Variants in TMEM150C observed in about 807,000 individuals in gnomAD.
TMEM150C encodes the protein transmembrane protein 150C, also known as tentonin 3.
Under a neutral mutation model 29.9 loss-of-function variants are expected in TMEM150C, and 10 were observed. The ratio of observed to expected loss-of-function variants is 0.33; its 90% confidence interval spans 0.21 to 0.57. The LOEUF is 0.57. Among genes scored for constraint, TMEM150C ranks in the 20% least tolerant of loss-of-function variants. The pLI, the probability that TMEM150C is intolerant of heterozygous loss-of-function variation, is 0.88. For synonymous variants in TMEM150C, 101 were observed against 112.5 expected (o/e 0.90, Z 0.64); for missense variants, 251 against 303.6 (o/e 0.83, Z 1.29).
rs935935826 is a variant in TMEM150C at position 82,542,999 on chromosome 4, T to C, written c.-11+18907A>G. ...ATGCACTGTATTAATGACTGTTATG[T>C]ATATAGCACTTACTATGTGCCTGGC... On this transcript the variant is annotated intron_variant, in intron 1 of 7. Transcript: ENST00000449862. Among the ~76,000 whole-genome samples the C allele has an allele frequency of 3.3e-5, 5 of 152,222 alleles. No homozygotes were observed. In the South Asian group the frequency reaches 1.0e-3, roughly 32 times the overall value.
At chr4:82,501,710 CTGTCTCCCTTGA>C (rs1723742738) in intron 5 of TMEM150C, among the ~76,000 whole-genome samples, 1 of 152,188 alleles carries the variant, frequency 6.6e-6, no homozygotes, top group Non-Finnish European at 1.5e-5. Context: ...GTTGGACCAC[CTGTCTCCCTTGA>C]TTTTCCACTG....
At chr4:82,491,418 C>T (rs1048264686) in intron 6 of TMEM150C, 19 of 663,818 alleles carry the variant, frequency 2.9e-5, no homozygotes, top group African/African-American at 1.1e-4. Context: ...TAATTGCAGC[C>T]GCTTATAGAG....
In TMEM150C at chr4:82,504,106, T is replaced by C. The variant is rs77887797; in HGVS notation, c.80+472A>G. On this transcript the variant is annotated intron_variant, in intron 2 of 7. Coordinates refer to ENST00000449862, the MANE Select transcript of TMEM150C (RefSeq NM_001080506.3). ...CACTCTTGTTACTTACTTTGGTTAA[T>C]AGAAAATGGGAAAAGAAATGAGGAC... Among the ~76,000 whole-genome samples the C allele has an allele frequency of 2.2e-4, 33 of 152,284 alleles. No individual in the cohort carries two copies. The East Asian group carries it at 5.8e-3, about 27-fold the overall frequency.
chr4:82,504,508 ACTATT>A (rs1199542367), intron 2 of TMEM150C, 65 bp downstream of exon 2: 1 of 1,353,290 alleles, frequency 7.4e-7, no homozygotes, highest in Non-Finnish European at 1.0e-6. Flanking sequence ...GCTGCCATAT[ACTATT>A]AAGGTTTACA....
At chr4:82,495,549 C>A in intron 6 of TMEM150C, 1 of 352,500 alleles carries the variant, frequency 2.8e-6, no homozygotes, top group Admixed American at 3.4e-5. Flanking sequence ...TTCACAATAA[C>A]AAAGTTGAGA....
chr4:82,550,327 G>C (rs1195181037), intron 1 of TMEM150C, among the ~76,000 whole-genome samples: 1 of 152,090 alleles, frequency 6.6e-6, no homozygotes, highest in East Asian at 1.9e-4. Flanking sequence ...TTTTAAGTTT[G>C]CTGAGGCCTC....
At chr4:82,495,106 G>A (rs146911106) in intron 6 of TMEM150C, 2 of 787,698 alleles carry the variant, frequency 2.5e-6, no homozygotes, top group East Asian at 3.2e-5. Flanking sequence ...TTGTTTAAGG[G>A]CTTTCTTACA....
chr4:82,501,018 G>A (rs769981911), intron 5 of TMEM150C, among the ~76,000 whole-genome samples: 1 of 152,222 alleles, frequency 6.6e-6, no homozygotes, highest in African/African-American at 2.4e-5. Flanking sequence ...GCAGGCCTAC[G>A]TGCTATAATG....
At chr4:82,521,395 G>A (rs898365780) in intron 1 of TMEM150C, among the ~76,000 whole-genome samples, 4 of 152,100 alleles carry the variant, frequency 2.6e-5, no homozygotes, top group African/African-American at 9.7e-5. Context: ...CTACCAAATG[G>A]GAAATATAAG....
chr4:82,501,194 G>A (rs1242639374), intron 5 of TMEM150C, among the ~76,000 whole-genome samples: 1 of 152,196 alleles, frequency 6.6e-6, no homozygotes, highest in African/African-American at 2.4e-5. Flanking sequence ...ATGGTGTCAA[G>A]AGTAGAAAAA....
chr4:82,492,634 T>C (rs1723394518), intron 6 of TMEM150C, among the ~76,000 whole-genome samples: 1 of 151,804 alleles, frequency 6.6e-6, no homozygotes, highest in Non-Finnish European at 1.5e-5. Context: ...CATTACCAAC[T>C]GATGTTTAAA....
chr4:82,494,986 T>G, intron 6 of TMEM150C: 1 of 742,526 alleles, frequency 1.3e-6, no homozygotes, highest in African/African-American at 1.8e-5. Flanking sequence ...TCCCTGTTTT[T>G]CTTAGTACAC....
At chr4:82,504,342 T>G (rs1184201323) in intron 2 of TMEM150C, among the ~76,000 whole-genome samples, 2 of 152,118 alleles carry the variant, frequency 1.3e-5, no homozygotes, top group Non-Finnish European at 2.9e-5. Context: ...TAGCTGGGAT[T>G]ACAGGCGTGT....
intron 1 of TMEM150C, among the ~76,000 whole-genome samples, chr4:82,506,441 T>C (rs1261393962): frequency 6.6e-6 from 1 of 151,416 alleles, no homozygotes; most frequent in African/African-American, 2.5e-5. Flanking sequence ...AGTTTACAGA[T>C]CTAAATTACA....
In TMEM150C at chr4:82,490,073, A is replaced by G; in HGVS notation, c.529T>C (p.Cys177Arg). The G allele has an allele frequency of 1.2e-6, 2 of 1,613,998 alleles. No homozygotes were observed. Among genetic ancestry groups the G allele is most frequent in the Non-Finnish European group, 1.7e-6 (2 of 1,179,856 alleles). The change falls in exon 7 of 8, where the codon TGT becomes CGT. Residue 177 changes from cysteine to arginine, a missense_variant. Cys to Arg is a radical substitution (Grantham distance 180). Coordinates refer to ENST00000449862, the MANE Select transcript of TMEM150C (RefSeq NM_001080506.3). ...RVILSASITL[C>R]VVLYFILMAQ... is the part of the protein sequence containing the mutation. ...GTTCAAAGGATACAGAGGACCACAC[A>G]GAGAGTGATAGATGCCGACAGAATA... is the stretch of plus-strand genomic sequence containing the variant.
chr4:82,544,785 C>A lies in TMEM150C; in HGVS notation c.-11+17121G>T, dbSNP rs373505139. On this transcript the variant is annotated intron_variant, in intron 1 of 7. Coordinates refer to ENST00000449862, the MANE Select transcript of TMEM150C (RefSeq NM_001080506.3). ...CAGAGTAAGACTATGCAAAAAAAAACTGAAATGTAGCATTTGTTTTTCAGT... is the reference window on the plus strand; with the variant it reads ...CAGAGTAAGACTATGCAAAAAAAAAATGAAATGTAGCATTTGTTTTTCAGT... Among the ~76,000 whole-genome samples the A allele has an allele frequency of 3.5e-4, 43 of 121,534 alleles. 1 individual carries two copies. Among genetic ancestry groups the A allele is most frequent in the African/African-American group, 1.3e-3 (29 of 21,674 alleles). The allele number at this position is 121,534 out of a possible 152,430, so 79.7% of individuals were successfully genotyped here.
At chr4:82,491,140 C>A in intron 6 of TMEM150C, 1 of 702,758 alleles carries the variant, frequency 1.4e-6, no homozygotes, top group Non-Finnish European at 2.6e-6. Context: ...TCGATGGGAT[C>A]CACATCGTGT....
At chr4:82,528,037 A>G (rs1724711192) in intron 1 of TMEM150C, among the ~76,000 whole-genome samples, 1 of 152,242 alleles carries the variant, frequency 6.6e-6, no homozygotes, top group African/African-American at 2.4e-5. Flanking sequence ...CTAGAAATAC[A>G]AAGATTAATA....
At chr4:82,518,350 T>G (rs1030541065) in intron 1 of TMEM150C, among the ~76,000 whole-genome samples, 2 of 151,008 alleles carry the variant, frequency 1.3e-5, no homozygotes, top group Non-Finnish European at 2.9e-5. Flanking sequence ...GTGACCGGCA[T>G]GAGCTGCTCC....
Sources: allele counts gnomAD v4.1 joint callset (sites outside exome capture counted in the v4.1 genomes callset), GRCh38; gene constraint gnomAD v4.1.1; transcripts MANE v1.5; gene names NCBI Gene and HGNC (gene_info 2026-07-23, HGNC 2026-07-21).